Variants in NKAIN2 observed in about 807,000 individuals in gnomAD.
NKAIN2 encodes the protein sodium/potassium-transporting ATPase subunit beta-1-interacting protein 2.
In NKAIN2, 14 loss-of-function variants were observed where a neutral mutation model predicts 32.6. That is an observed-to-expected ratio of 0.43 (90% CI 0.28 to 0.67). NKAIN2 has a LOEUF of 0.67. NKAIN2 is among the 30% of genes least tolerant of loss of function. The pLI is 0.17. For synonymous variants in NKAIN2, 80 were observed against 87.2 expected (o/e 0.92, Z 0.46); for missense variants, 198 against 258.3 (o/e 0.77, Z 1.60).
At chr6:123,954,047 T>A (rs901600659) in intron 1 of NKAIN2, among the ~76,000 whole-genome samples, 22 of 152,176 alleles carry the variant, frequency 1.4e-4, no homozygotes, top group African/African-American at 5.3e-4. Context: ...AGGTGTCCTA[T>A]GTGGAAGTGG....
intron 1 of NKAIN2, among the ~76,000 whole-genome samples, chr6:124,172,106 C>A (rs1442100790): frequency 6.6e-6 from 1 of 152,134 alleles, no homozygotes; most frequent in Non-Finnish European, 1.5e-5. Flanking sequence ...GCCACTGTGC[C>A]CAGCCCCCAA....
chr6:124,034,993 T>C (rs1466006411), intron 1 of NKAIN2, among the ~76,000 whole-genome samples: 2 of 152,090 alleles, frequency 1.3e-5, no homozygotes, highest in Admixed American at 6.6e-5. Flanking sequence ...ACTTACTTTC[T>C]CTGAGACAAA....
At chr6:124,119,945 G>GT (rs1239681991) in intron 1 of NKAIN2, among the ~76,000 whole-genome samples, 3 of 151,894 alleles carry the variant, frequency 2.0e-5, no homozygotes, top group East Asian at 1.9e-4. Context: ...GGCCTGCTTT[G>GT]TTTTTTTTCT....
intron 4 of NKAIN2, among the ~76,000 whole-genome samples, chr6:124,767,497 A>G (rs1778563270): frequency 6.6e-6 from 1 of 152,102 alleles, no homozygotes; most frequent in African/African-American, 2.4e-5. Context: ...GTATTTACCA[A>G]GCTTTTTTAG....
At chr6:123,932,544 G>A (rs1285554939) in intron 1 of NKAIN2, among the ~76,000 whole-genome samples, 2 of 151,386 alleles carry the variant, frequency 1.3e-5, no homozygotes, top group Non-Finnish European at 2.9e-5. Flanking sequence ...AGCCTCCTGA[G>A]TAGCTGGGAC....
intron 3 of NKAIN2, among the ~76,000 whole-genome samples, chr6:124,591,375 G>A (rs1781906197): frequency 6.6e-6 from 1 of 152,200 alleles, no homozygotes; most frequent in African/African-American, 2.4e-5. Flanking sequence ...TATGGAAAAT[G>A]TGAAATTGTA....
At chr6:124,165,765 T>A (rs1212179924) in intron 1 of NKAIN2, among the ~76,000 whole-genome samples, 3 of 148,304 alleles carry the variant, frequency 2.0e-5, no homozygotes, top group Non-Finnish European at 3.0e-5. Flanking sequence ...GAACATGTGG[T>A]GTTTGGTTTT....
intron 3 of NKAIN2, among the ~76,000 whole-genome samples, chr6:124,600,224 T>C (rs1188531065): frequency 6.6e-6 from 1 of 152,078 alleles, no homozygotes. Flanking sequence ...ATATTGAACA[T>C]TTTGAGGTTA....
intron 3 of NKAIN2, among the ~76,000 whole-genome samples, chr6:124,558,343 G>C (rs1240860372): frequency 6.6e-6 from 1 of 152,196 alleles, no homozygotes; most frequent in Non-Finnish European, 1.5e-5. Flanking sequence ...TGTGAGCCAA[G>C]GCTTGTGGCA....
chr6:124,660,631 G>A (rs540767771), intron 4 of NKAIN2, among the ~76,000 whole-genome samples: 2 of 152,276 alleles, frequency 1.3e-5, no homozygotes, highest in East Asian at 1.9e-4. Context: ...ACCATCCTAG[G>A]ATGTGACATC....
chr6:123,943,402 T>C (rs531695568), intron 1 of NKAIN2, among the ~76,000 whole-genome samples: 7 of 152,164 alleles, frequency 4.6e-5, no homozygotes, highest in African/African-American at 1.7e-4. Flanking sequence ...TTAGGAAAAC[T>C]GTCATTGCAA....
intron 1 of NKAIN2, among the ~76,000 whole-genome samples, chr6:124,168,552 TTG>T (rs58658301): frequency 1.5e-4 from 23 of 149,372 alleles, no homozygotes; most frequent in Admixed American, 1.3e-4. Context: ...CCTGTTAATT[TTG>T]TGTGTGTGTG....
intron 1 of NKAIN2, among the ~76,000 whole-genome samples, chr6:124,133,625 C>A (rs1761200073): frequency 6.6e-6 from 1 of 152,028 alleles, no homozygotes; most frequent in Admixed American, 6.6e-5. Flanking sequence ...AAAGTATACA[C>A]CACAAGAGAA....
chr6:124,311,168 C>A lies in NKAIN2; in HGVS notation c.192+28026C>A, dbSNP rs147780147. Among the ~76,000 whole-genome samples the A allele has an allele frequency of 9.2e-3, 1,407 of 152,180 alleles. 11 individuals carry two copies. The highest frequency in any genetic ancestry group is 0.041 in the Middle Eastern group (12 of 294). On this transcript the variant is annotated intron_variant, in intron 2 of 6. Transcript: ENST00000368417. ...ACTCAGTGAAAGCAGAAAGAGGGGA[C>A]AAAGGCCCACACTTCCACTGTGACC...
intron 1 of NKAIN2, among the ~76,000 whole-genome samples, chr6:124,159,301 T>C (rs150331324): frequency 1.1e-4 from 16 of 152,322 alleles, no homozygotes; most frequent in African/African-American, 3.6e-4. Flanking sequence ...AATCATTTAT[T>C]GCTATTACTA....
chr6:124,788,801 G>A (rs745758217), intron 4 of NKAIN2, among the ~76,000 whole-genome samples: 13 of 152,052 alleles, frequency 8.5e-5, no homozygotes, highest in Non-Finnish European at 1.8e-4. Context: ...AGAATTGTGG[G>A]AAATAATCTG....
intron 1 of NKAIN2, among the ~76,000 whole-genome samples, chr6:124,235,263 C>T (rs1156439634): frequency 6.6e-6 from 1 of 152,146 alleles, no homozygotes; most frequent in African/African-American, 2.4e-5. Flanking sequence ...AATTTCACCC[C>T]TTTTCTATGG....
chr6:124,435,482 G>A (rs781334198), intron 3 of NKAIN2, among the ~76,000 whole-genome samples: 7 of 152,096 alleles, frequency 4.6e-5, no homozygotes, highest in Non-Finnish European at 8.8e-5. Context: ...TAAATCTTTC[G>A]ATTCTCACAA....
intron 4 of NKAIN2, among the ~76,000 whole-genome samples, chr6:124,787,543 G>A (rs1185910704): frequency 6.6e-6 from 1 of 152,070 alleles, no homozygotes; most frequent in Non-Finnish European, 1.5e-5. Context: ...CTGGGAAAAT[G>A]AGTTAAGGAA....
Sources: allele counts gnomAD v4.1 joint callset (sites outside exome capture counted in the v4.1 genomes callset), GRCh38; gene constraint gnomAD v4.1.1; transcripts MANE v1.5; gene names NCBI Gene and HGNC (gene_info 2026-07-23, HGNC 2026-07-21).